The following SPART variants were observed in gnomAD, a reference collection of about 807,000 sequenced individuals.
SPART encodes the protein spastic paraplegia 20 (Troyer syndrome).
SPART carries 35 observed loss-of-function variants against 58.7 expected under a neutral mutation model. The observed-to-expected ratio is 0.60, with a 90% confidence interval of 0.46 to 0.79. SPART has a LOEUF of 0.79. Ranked by LOEUF, SPART falls within the 30% of genes least tolerant of loss-of-function variation. SPART has a pLI of 0.00. For missense variants in SPART, 730 were observed against 786.1 expected (o/e 0.93, Z 0.85); for synonymous variants, 284 against 280.7 (o/e 1.01, Z -0.12).
chr13:36,322,436 G>C (rs570136926), intron 5 of SPART, among the ~76,000 whole-genome samples: 46 of 152,144 alleles, frequency 3.0e-4, no homozygotes, highest in African/African-American at 1.0e-3. Flanking sequence ...AACAGAGCGA[G>C]ACTCTGTCTC....
Position 36,335,294 on chromosome 13 carries a change from A to C in SPART, c.537T>G (p.Ala179=). Residue 179 remains alanine (A), a synonymous_variant, in exon 2 of 9, where the codon GCT becomes GCG. Transcript: ENST00000438666. ...EAPPAYTPQA[A]EGHYTVSYGT... The stretch of plus-strand genomic sequence containing the variant: ...CATAGGATACAGTGTAGTGACCTTC[A>C]GCAGCTTGAGGAGTATAAGCAGGAG... 1.2e-6 allele frequency: 2 copies of C among 1,614,170 alleles called. No individual in the cohort carries two copies. The highest frequency in any genetic ancestry group is 1.7e-6 in the Non-Finnish European group (2 of 1,180,002).
intron 2 of SPART, among the ~76,000 whole-genome samples, chr13:36,333,145 G>C (rs1311624029): frequency 1.3e-5 from 2 of 151,720 alleles, no homozygotes; most frequent in Admixed American, 6.6e-5. Context: ...TCCTAGGACA[G>C]GATATTACAG....
chr13:36,335,146 G>C lies in SPART; in HGVS notation c.685C>G (p.Gln229Glu), dbSNP rs748835312. The part of the protein sequence containing the change: ...DELILIPNGV[Q>E]IFFVNPAGEV... ...CCTGCAGGATTTACAAAAAAAATCT[G>C]TACTCCATTTGGTATCAAAATCAAT... The change falls in exon 2 of 9, where the codon CAG becomes GAG. Residue 229 changes from glutamine to glutamate, a missense_variant. Physicochemically the swap from Gln to Glu is conservative, Grantham distance 29. Coordinates refer to ENST00000438666, the MANE Select transcript of SPART (RefSeq NM_015087.5). 97 of 1,613,966 alleles carry C rather than the reference G, an allele frequency of 6.0e-5. No individual in the cohort carries two copies. Among genetic ancestry groups the C allele is most frequent in the Non-Finnish European group, 8.1e-5 (95 of 1,179,992 alleles).
Position 36,304,110 on chromosome 13 carries a change from T to A in SPART, c.*255A>T. On this transcript the variant is annotated 3_prime_UTR_variant, in exon 9 of 9. Transcript: ENST00000438666. ...CATGTACTATCAGCTTTATTTTACC[T>A]GCAAAAATATTTTAGCTACACTTGG... The A allele has an allele frequency of 1.9e-6, 1 of 535,396 alleles. No individual in the cohort carries two copies. Among genetic ancestry groups the A allele is most frequent in the South Asian group, 2.2e-5 (1 of 46,424 alleles). The allele number at this position is 535,396 out of a possible 1,614,324, so 33.2% of individuals were successfully genotyped here.
At chr13:36,350,021 G>T (rs1456691089), upstream of SPART, among the ~76,000 whole-genome samples, 12 of 152,192 alleles carry the variant, frequency 7.9e-5, no homozygotes, top group African/African-American at 2.9e-4. Flanking sequence ...GGCCAAAGGG[G>T]TGCTTGAGAT....
Position 36,335,038 on chromosome 13 carries a change from G to T in SPART, c.793C>A (p.Pro265Thr), listed in dbSNP as rs769244542. The T allele has an allele frequency of 6.2e-7, 1 of 1,613,792 alleles. No individual in the cohort carries two copies. Among genetic ancestry groups the T allele is most frequent in the South Asian group, 1.1e-5 (1 of 91,066 alleles). Residue 265 changes from proline to threonine, a missense_variant, in exon 2 of 9, where the codon CCT becomes ACT. By Grantham distance (38) the Pro-to-Thr change is conservative. Transcript: ENST00000438666. Reference sequence around the variant, plus strand: ...TCGCTTACCTGAAGAAACCCGGGAGGACGGTTTAGAACCGTATCGAGAGAA... The same window carrying T: ...TCGCTTACCTGAAGAAACCCGGGAGTACGGTTTAGAACCGTATCGAGAGAA... ...DNSLDTVLNR[P>T]PGFLQVCDWL...
intron 1 of SPART, among the ~76,000 whole-genome samples, chr13:36,345,830 G>A (rs1030878700): frequency 1.8e-4 from 28 of 152,138 alleles, no homozygotes; most frequent in Non-Finnish European, 5.9e-5. Flanking sequence ...CTGCGGGAGG[G>A]CAAAAGACCA....
At chr13:36,319,209 T>C (rs1422493804) in intron 5 of SPART, among the ~76,000 whole-genome samples, 2 of 139,202 alleles carry the variant, frequency 1.4e-5, no homozygotes, top group Admixed American at 7.5e-5. Flanking sequence ...CTTATTAGGC[T>C]GAGACACTAA....
chr13:36,316,752 T>C (rs1442520254), intron 5 of SPART, among the ~76,000 whole-genome samples: 1 of 152,198 alleles, frequency 6.6e-6, no homozygotes, highest in African/African-American at 2.4e-5. Flanking sequence ...TGGTGGTCTC[T>C]TCACACAGAC....
chr13:36,322,403 C>A (rs576581144), intron 5 of SPART, among the ~76,000 whole-genome samples: 54 of 152,172 alleles, frequency 3.5e-4, no homozygotes, highest in Non-Finnish European at 6.5e-4. Flanking sequence ...GCTGAGATAG[C>A]GTCACTGCAC....
At chr13:36,308,197 T>C (rs576431264) in intron 8 of SPART, among the ~76,000 whole-genome samples, 1 of 152,274 alleles carries the variant, frequency 6.6e-6, no homozygotes, top group Admixed American at 6.5e-5. Context: ...CACTAAGTTA[T>C]TACTGGTTCA....
At chr13:36,318,561 G>A (rs1024301251) in intron 5 of SPART, among the ~76,000 whole-genome samples, 3 of 152,194 alleles carry the variant, frequency 2.0e-5, no homozygotes, top group South Asian at 2.1e-4. Context: ...AATTAACCTC[G>A]CCTTCAAGGT....
chr13:36,337,080 G>C (rs926048282), intron 1 of SPART, among the ~76,000 whole-genome samples: 3 of 152,178 alleles, frequency 2.0e-5, no homozygotes, highest in South Asian at 4.1e-4. Context: ...ATGACTACAA[G>C]GGTGTACAGT....
chr13:36,326,859 C>G (rs923174160), intron 4 of SPART, among the ~76,000 whole-genome samples, 161 bp from the exon 5 acceptor site: 3 of 151,790 alleles, frequency 2.0e-5, no homozygotes, highest in African/African-American at 7.3e-5. Flanking sequence ...AAGTACAATA[C>G]CAGAACTGCC....
chr13:36,334,956 T>G (rs1883814344), intron 2 of SPART, 65 bp downstream of exon 2: 1 of 1,349,466 alleles, frequency 7.4e-7, no homozygotes, highest in Non-Finnish European at 1.1e-6. Flanking sequence ...ACATAAACAT[T>G]AACAAATAAA....
chr13:36,354,954 A>G (rs1885566646), intron 1 of SPART, among the ~76,000 whole-genome samples: 1 of 152,254 alleles, frequency 6.6e-6, no homozygotes, highest in African/African-American at 2.4e-5. Context: ...AGTAAAGAAG[A>G]CAAGGTAAAA....
chr13:36,339,626 T>TTAA (rs1884373441), intron 1 of SPART, among the ~76,000 whole-genome samples: 1 of 10,712 alleles, frequency 9.3e-5, no homozygotes, highest in Non-Finnish European at 2.1e-4. Context: ...CACGACTCCA[T>TTAA]CAAAAAAAAA....
chr13:36,315,746 T>C (rs1289949834), intron 5 of SPART, among the ~76,000 whole-genome samples: 1 of 152,054 alleles, frequency 6.6e-6, no homozygotes, highest in Admixed American at 6.6e-5. Flanking sequence ...AACTTATAGG[T>C]TGAAAAGTTT....
upstream of SPART, among the ~76,000 whole-genome samples, chr13:36,350,578 G>A (rs1239141682): frequency 3.3e-5 from 5 of 152,064 alleles, no homozygotes; most frequent in African/African-American, 1.2e-4. Flanking sequence ...AGGAATAATT[G>A]GCTAAAAACC....
Sources: gnomAD v4.1 joint callset for allele counts (sites outside exome capture counted in the v4.1 genomes callset) on GRCh38, gnomAD v4.1.1 for gene constraint, MANE v1.5 for transcripts, NCBI Gene and HGNC (gene_info 2026-07-23, HGNC 2026-07-21) for gene names.